KCNN2: variants seen among roughly 807,000 people sequenced by gnomAD.
KCNN2 encodes potassium calcium-activated channel subfamily N member 2.
KCNN2 carries 24 observed loss-of-function variants against 55.5 expected under a neutral mutation model. That is an observed-to-expected ratio of 0.43 (90% CI 0.31 to 0.61). KCNN2 has a LOEUF of 0.61. KCNN2 is among the 20% of genes least tolerant of loss of function. The pLI is 0.08. For missense variants in KCNN2, 754 were observed against 853.6 expected, an observed-to-expected ratio of 0.88 and a Z score of 1.45; for synonymous variants, 431 against 336.1, an observed-to-expected ratio of 1.28 and a Z score of -3.09.
At chr5:114,202,496 AATATATAT>A (rs10555014) in intron 1 of KCNN2, among the ~76,000 whole-genome samples, 1 of 139,920 alleles carries the variant, frequency 7.1e-6, no homozygotes, top group African/African-American at 2.7e-5. Context: ...CTTCATGCCT[AATATATAT>A]ATATATATAT....
intron 1 of KCNN2, among the ~76,000 whole-genome samples, chr5:114,122,170 T>TA (rs1483021251): frequency 4.6e-5 from 7 of 152,104 alleles, no homozygotes; most frequent in Non-Finnish European, 7.4e-5. Flanking sequence ...TAATCAGCAT[T>TA]AAATAAATGG....
In KCNN2 at chr5:114,452,233, G is replaced by A. The variant is rs148778961; in HGVS notation, c.1638-10816G>A. ...ATACTTTAGAGCACCCTCACTTAGG[G>A]AGGTTTTTATTAAAGTGTTTGGACT... On this transcript the variant is annotated intron_variant, in intron 3 of 7. Transcript: ENST00000673685. Among the ~76,000 whole-genome samples, 510 of 152,274 alleles carry A rather than the reference G, an allele frequency of 3.3e-3. 2 individuals are homozygous for A. Among genetic ancestry groups the A allele is most frequent in the African/African-American group, 0.012 (486 of 41,556 alleles).
At chr5:114,173,446 G>T (rs200822427) in intron 1 of KCNN2, among the ~76,000 whole-genome samples, 24 of 45,914 alleles carry the variant, frequency 5.2e-4, no homozygotes, top group Admixed American at 3.8e-3. Context: ...GTTTGTGTGT[G>T]TGTGTGTGTG....
At chr5:114,065,161 A>G (rs1054954322) in intron 1 of KCNN2, among the ~76,000 whole-genome samples, 1 of 152,202 alleles carries the variant, frequency 6.6e-6, no homozygotes, top group Non-Finnish European at 1.5e-5. Context: ...TATGCACTTG[A>G]TATTTGGATT....
intron 1 of KCNN2, among the ~76,000 whole-genome samples, chr5:114,209,456 C>T (rs1483468266): frequency 1.3e-5 from 2 of 151,922 alleles, no homozygotes; most frequent in African/African-American, 4.8e-5. Context: ...GACCCTTTCT[C>T]CAGGAAAATA....
chr5:114,234,866 C>T (rs762627872), intron 2 of KCNN2, among the ~76,000 whole-genome samples: 1 of 152,120 alleles, frequency 6.6e-6, no homozygotes, highest in African/African-American at 2.4e-5. Context: ...TTTGAAGATA[C>T]TCTTCATTTG....
intron 2 of KCNN2, among the ~76,000 whole-genome samples, chr5:114,341,553 T>G (rs1238194250): frequency 6.6e-6 from 1 of 152,168 alleles, no homozygotes; most frequent in Non-Finnish European, 1.5e-5. Context: ...ATAATTTATG[T>G]TGATGTCTGC....
chr5:114,201,571 T>G (rs990624387), intron 1 of KCNN2, among the ~76,000 whole-genome samples: 1 of 152,154 alleles, frequency 6.6e-6, no homozygotes, highest in African/African-American at 2.4e-5. Context: ...CTTAGGAGAA[T>G]GTGGCTGCCC....
At chr5:114,207,137 A>G (rs1052966611) in intron 1 of KCNN2, among the ~76,000 whole-genome samples, 1 of 151,594 alleles carries the variant, frequency 6.6e-6, no homozygotes, top group African/African-American at 2.4e-5. Context: ...TTTGTGATGA[A>G]CTCCCTAATG....
intron 1 of KCNN2, among the ~76,000 whole-genome samples, chr5:114,192,357 A>G (rs1240773348): frequency 6.6e-6 from 1 of 152,056 alleles, no homozygotes. Flanking sequence ...TGCTAGTAGA[A>G]CTCTGAGTAC....
intron 2 of KCNN2, among the ~76,000 whole-genome samples, chr5:114,289,132 C>T (rs991278284): frequency 3.3e-5 from 5 of 152,090 alleles, no homozygotes; most frequent in African/African-American, 9.7e-5. Flanking sequence ...TCTTAGCGCC[C>T]TTGTTGAAAA....
intron 3 of KCNN2, among the ~76,000 whole-genome samples, chr5:114,420,664 A>G (rs1475916490): frequency 6.6e-6 from 1 of 152,258 alleles, no homozygotes; most frequent in East Asian, 1.9e-4. Flanking sequence ...CTAAGATACC[A>G]GATATCAGAG....
At chr5:114,277,713 T>G (rs572618823) in intron 2 of KCNN2, among the ~76,000 whole-genome samples, 1 of 152,164 alleles carries the variant, frequency 6.6e-6, no homozygotes, top group African/African-American at 2.4e-5. Flanking sequence ...TTCTCTACAC[T>G]GTTTATTCTA....
intron 2 of KCNN2, among the ~76,000 whole-genome samples, chr5:114,366,333 A>G (rs1291113499): frequency 3.3e-5 from 5 of 152,194 alleles, no homozygotes; most frequent in Non-Finnish European, 5.9e-5. Context: ...GGTTTATTTT[A>G]TATGATATGT....
intron 1 of KCNN2, among the ~76,000 whole-genome samples, chr5:114,150,480 A>G (rs10044576): frequency 0.092 from 13,951 of 152,256 alleles, 812 homozygotes; most frequent in Non-Finnish European, 0.12. Flanking sequence ...CTCTTTAACC[A>G]AAGAAAATCA....
chr5:114,090,342 C>T (rs992724298), intron 1 of KCNN2, among the ~76,000 whole-genome samples: 1 of 151,976 alleles, frequency 6.6e-6, no homozygotes, highest in Non-Finnish European at 1.5e-5. Context: ...TGAGCTAAAA[C>T]GTCCAGAAGA....
chr5:114,124,330 T>C (rs1217709347), intron 1 of KCNN2, among the ~76,000 whole-genome samples: 1 of 152,188 alleles, frequency 6.6e-6, no homozygotes, highest in East Asian at 1.9e-4. Context: ...TTCAGAGATC[T>C]AGAAAGGAAA....
Position 114,248,349 on chromosome 5 carries a change from G to A in KCNN2, c.-185+26784G>A, listed in dbSNP as rs540848529. On this transcript the variant is annotated intron_variant, in intron 2 of 10. Coordinates refer to the KCNN2 transcript ENST00000512097. ...CTCAATTAGAACTGACAAGGTTAAT[G>A]AGAAGTTTAGTTATTTGGGGGGAAG... Among the ~76,000 whole-genome samples, 3 of 152,282 alleles carry A rather than the reference G, an allele frequency of 2.0e-5. No homozygotes were observed. In the South Asian group the frequency reaches 6.2e-4, roughly 32 times the overall value.
At chr5:114,332,703 C>CA (rs961974920) in intron 2 of KCNN2, among the ~76,000 whole-genome samples, 9 of 152,180 alleles carry the variant, frequency 5.9e-5, no homozygotes, top group Non-Finnish European at 1.2e-4. Flanking sequence ...AGTAACTACT[C>CA]AAACACTTTT....
Sources: gnomAD v4.1 joint callset for allele counts (sites outside exome capture counted in the v4.1 genomes callset) on GRCh38, gnomAD v4.1.1 for gene constraint, MANE v1.5 for transcripts, NCBI Gene and HGNC (gene_info 2026-07-23, HGNC 2026-07-21) for gene names.